The following MDGA2 variants were observed in gnomAD, a reference collection of about 807,000 sequenced individuals.
MDGA2 encodes MAM domain containing glycosylphosphatidylinositol anchor 2.
In MDGA2, 40 loss-of-function variants were observed where a neutral mutation model predicts 117.8. The observed-to-expected ratio is 0.34, with a 90% CI of 0.26 to 0.44. The LOEUF (loss-of-function observed/expected upper bound fraction) is 0.44, where lower values mean the gene tolerates loss of function less well. MDGA2 is among the 20% of genes least tolerant of loss of function. MDGA2 has a pLI of 1.00. For synonymous variants in MDGA2, 452 were observed against 439.0 expected (o/e 1.03, Z -0.37); for missense variants, 1,123 against 1,250.6 (o/e 0.90, Z 1.54).
chr14:47,593,663 T>A (rs546242139), intron 1 of MDGA2, among the ~76,000 whole-genome samples: 11 of 152,042 alleles, frequency 7.2e-5, no homozygotes, highest in Admixed American at 4.6e-4. Context: ...CACTCATAAG[T>A]GTGAACTGAA....
At chr14:47,598,045 C>T (rs1896580426) in intron 1 of MDGA2, among the ~76,000 whole-genome samples, 1 of 152,040 alleles carries the variant, frequency 6.6e-6, no homozygotes, top group Non-Finnish European at 1.5e-5. Context: ...AAACAAGCTG[C>T]CATAACCATG....
At chr14:46,864,507 T>C (rs1881646439) in intron 14 of MDGA2, among the ~76,000 whole-genome samples, 1 of 144,152 alleles carries the variant, frequency 6.9e-6, no homozygotes, top group African/African-American at 2.6e-5. Flanking sequence ...ACACAAATAC[T>C]GACATATCTT....
chr14:47,572,488 A>T (rs1474132381), intron 1 of MDGA2, among the ~76,000 whole-genome samples: 2 of 152,198 alleles, frequency 1.3e-5, no homozygotes, highest in East Asian at 3.9e-4. Context: ...TTCTGACCCG[A>T]TTCAAACATA....
intron 2 of MDGA2, among the ~76,000 whole-genome samples, chr14:47,284,096 A>G (rs560358246): frequency 3.9e-5 from 6 of 152,342 alleles, no homozygotes; most frequent in African/African-American, 1.4e-4. Context: ...TGAAATGCAA[A>G]GGAACAAATA....
intron 8 of MDGA2, among the ~76,000 whole-genome samples, chr14:47,034,419 CA>C (rs1318695676): frequency 3.3e-5 from 5 of 151,942 alleles, no homozygotes; most frequent in Non-Finnish European, 1.5e-5. Flanking sequence ...TTAAATCAGG[CA>C]AAAATTCAGC....
In MDGA2 at chr14:47,405,864, G is replaced by A. The variant is rs184770575; in HGVS notation, c.281-104314C>T. ...AGAACATTTCCAAAACATTATTTAT[G>A]TTCATGCGTGACTCAACATTGTAAG... On this transcript the variant is annotated intron_variant, in intron 1 of 16. Transcript: ENST00000399232. Among the ~76,000 whole-genome samples, 381 of 152,206 alleles carry A rather than the reference G, an allele frequency of 2.5e-3. 4 individuals carry two copies. Among genetic ancestry groups the A allele is most frequent in the African/African-American group, 8.6e-3 (359 of 41,548 alleles).
intron 7 of MDGA2, among the ~76,000 whole-genome samples, 174 bp from the exon 8 acceptor site, chr14:47,035,478 G>T (rs367565494): frequency 1.5e-3 from 228 of 152,258 alleles, no homozygotes; most frequent in African/African-American, 5.1e-3. Flanking sequence ...ATTCTTAATT[G>T]TTTTCACTGT....
chr14:47,050,476 A>C (rs1889418715), intron 7 of MDGA2, among the ~76,000 whole-genome samples: 1 of 152,034 alleles, frequency 6.6e-6, no homozygotes, highest in Non-Finnish European at 1.5e-5. Flanking sequence ...GTGTTCACAA[A>C]ACTGCATGCT....
In MDGA2 at chr14:46,884,484, TA is replaced by T. The variant is rs1882592967; in HGVS notation, c.2239-2264del. On this transcript the variant is annotated intron_variant, in intron 10 of 16. Transcript: ENST00000399232. The surrounding 1 kb of genome is among the most constrained non-coding windows in gnomAD (Gnocchi z 4.1). ...CATATATGCACATACTATATGTTCA[TA>T]AGTATTTGTTTTCTGAAGGTTAAGT... 6.6e-6 allele frequency among the ~76,000 whole-genome samples: 1 copy of T among 152,150 alleles called. No individual in the cohort carries two copies. Among genetic ancestry groups the T allele is most frequent in the Admixed American group, 6.6e-5 (1 of 15,260 alleles).
intron 7 of MDGA2, 63 bp downstream of exon 7, chr14:47,061,186 T>C: frequency 7.1e-7 from 1 of 1,416,356 alleles, no homozygotes; most frequent in Non-Finnish European, 9.7e-7. Context: ...ACCTACTTGA[T>C]CTGTTAAACT....
At chr14:47,537,613 A>C (rs1487791481) in intron 1 of MDGA2, among the ~76,000 whole-genome samples, 2 of 138,922 alleles carry the variant, frequency 1.4e-5, no homozygotes, top group African/African-American at 2.7e-5. Context: ...AAAAAAAAAA[A>C]ACTTAAAAAT....
intron 1 of MDGA2, among the ~76,000 whole-genome samples, chr14:47,518,040 A>G (rs1894791498): frequency 6.6e-6 from 1 of 152,118 alleles, no homozygotes; most frequent in Non-Finnish European, 1.5e-5. Context: ...TAATAGAAAT[A>G]AAGAGATTTT....
At chr14:46,912,355 T>C (rs1278887239) in intron 10 of MDGA2, among the ~76,000 whole-genome samples, 1 of 152,180 alleles carries the variant, frequency 6.6e-6, no homozygotes. Context: ...ATTCTATTAC[T>C]ACTGTCTTCA....
chr14:46,957,712 G>A, intron 8 of MDGA2, 69 bp from the exon 9 acceptor site: 1 of 1,557,392 alleles, frequency 6.4e-7, no homozygotes. Context: ...ACTCTTATTA[G>A]AAGAAGCCAT....
At chr14:47,247,632 T>TTTATTATTATTATTATTA (rs71448183) in intron 2 of MDGA2, among the ~76,000 whole-genome samples, 170 of 146,138 alleles carry the variant, frequency 1.2e-3, no homozygotes, top group African/African-American at 2.7e-3. Context: ...TCAGTACATA[T>TTTATTATTATTATTATTA]TTATTATTAT....
intron 1 of MDGA2, among the ~76,000 whole-genome samples, chr14:47,390,171 A>AT (rs1378140802): frequency 6.6e-6 from 1 of 152,206 alleles, no homozygotes; most frequent in Non-Finnish European, 1.5e-5. Context: ...CCCTGTTGAA[A>AT]ATAAGGAAAT....
intron 1 of MDGA2, among the ~76,000 whole-genome samples, chr14:47,556,357 C>T (rs774042916): frequency 2.0e-5 from 3 of 152,196 alleles, no homozygotes; most frequent in Non-Finnish European, 4.4e-5. Context: ...ATTCCAAATC[C>T]TGCCCAATAC....
intron 8 of MDGA2, among the ~76,000 whole-genome samples, chr14:47,014,101 G>A (rs903620287): frequency 1.3e-5 from 2 of 151,816 alleles, no homozygotes; most frequent in African/African-American, 2.4e-5. Flanking sequence ...GGCCCTCCTT[G>A]TATATCTTTA....
At position 47,096,996 on chromosome 14, in the gene MDGA2, C is replaced by T; in HGVS notation, c.1053G>A (p.Gly351=). Residue 351 remains glycine, a synonymous_variant, in exon 6 of 17, where the codon GGG becomes GGA. Transcript: ENST00000399232. ...APSLTWVRSF[G]TLPEKTVLNG... ...TCAAAACAGTCTTTTCAGGCAGAGT[C>T]CCAAAGGACCTGACCCAGGTGAGAG... 1 of 1,613,316 alleles carries T rather than the reference C, an allele frequency of 6.2e-7. No individual in the cohort carries two copies.
Sources: allele counts gnomAD v4.1 joint callset (sites outside exome capture counted in the v4.1 genomes callset), GRCh38; gene constraint gnomAD v4.1.1; non-coding constraint Gnocchi (gnomAD v3.1); transcripts MANE v1.5; gene names NCBI Gene and HGNC (gene_info 2026-07-23, HGNC 2026-07-21).